MTUS2: variants seen among roughly 807,000 people sequenced by gnomAD.
MTUS2 encodes the protein microtubule associated scaffold protein 2.
In MTUS2, 40 loss-of-function variants were observed where a neutral mutation model predicts 114.1. The ratio of observed to expected loss-of-function variants is 0.35; its 90% CI spans 0.27 to 0.46. MTUS2 has a LOEUF of 0.46. MTUS2 is among the 20% of genes least tolerant of loss of function. MTUS2 has a pLI of 1.00. For synonymous variants in MTUS2, 688 were observed against 672.0 expected, an observed-to-expected ratio of 1.02 and a Z score of -0.37; for missense variants, 1,679 against 1,705.4, an observed-to-expected ratio of 0.98 and a Z score of 0.27.
intron 5 of MTUS2, among the ~76,000 whole-genome samples, chr13:29,167,306 T>C (rs762320000): frequency 1.2e-4 from 18 of 147,204 alleles, no homozygotes; most frequent in Non-Finnish European, 2.4e-4. Context: ...ACCTGGGAGG[T>C]GGAGCTTGCA....
At chr13:29,381,926 C>T (rs904640143) in intron 8 of MTUS2, among the ~76,000 whole-genome samples, 11 of 152,184 alleles carry the variant, frequency 7.2e-5, no homozygotes, top group African/African-American at 2.2e-4. Context: ...TACTCTATCA[C>T]GTTGTGCTGA....
chr13:29,479,785 C>G (rs1052751056), intron 9 of MTUS2, among the ~76,000 whole-genome samples: 1 of 152,202 alleles, frequency 6.6e-6, no homozygotes, highest in African/African-American at 2.4e-5. Context: ...ATTTCAGAGT[C>G]TACATTTTTA....
chr13:28,951,938 G>A (rs1463435028), intron 2 of MTUS2, among the ~76,000 whole-genome samples: 1 of 152,192 alleles, frequency 6.6e-6, no homozygotes, highest in African/African-American at 2.4e-5. Flanking sequence ...GGCCAGGGCA[G>A]GGTGGCATTT....
intron 7 of MTUS2, among the ~76,000 whole-genome samples, chr13:29,346,402 G>A (rs778375949): frequency 6.6e-6 from 1 of 152,128 alleles, no homozygotes; most frequent in Non-Finnish European, 1.5e-5. Context: ...GGATGAGGAT[G>A]TGGTTTCAGG....
intron 10 of MTUS2, chr13:29,487,590 G>A (rs1283446017): frequency 1.4e-5 from 5 of 352,208 alleles, no homozygotes; most frequent in Admixed American, 4.3e-5. Flanking sequence ...CGCTCATAGC[G>A]GTGCAAGCGC....
intron 2 of MTUS2, among the ~76,000 whole-genome samples, chr13:28,897,074 CT>C (rs1357021001): frequency 6.6e-6 from 1 of 152,180 alleles, no homozygotes. Flanking sequence ...AAGTAAAGAG[CT>C]TCTGCACAGC....
chr13:29,132,040 C>T (rs1438359357), intron 5 of MTUS2, among the ~76,000 whole-genome samples: 11 of 152,236 alleles, frequency 7.2e-5, no homozygotes, highest in African/African-American at 2.7e-4. Flanking sequence ...CAAGATGACA[C>T]TGCTGGGAAG....
At chr13:29,238,196 T>C (rs1037704948) in intron 5 of MTUS2, among the ~76,000 whole-genome samples, 9 of 152,214 alleles carry the variant, frequency 5.9e-5, no homozygotes, top group African/African-American at 1.4e-4. Context: ...TTAAAAAATA[T>C]AGCATACAAT....
intron 2 of MTUS2, among the ~76,000 whole-genome samples, chr13:28,905,949 T>G (rs1356981183): frequency 6.6e-6 from 1 of 151,704 alleles, no homozygotes; most frequent in Admixed American, 6.6e-5. Flanking sequence ...ATTGGTCTAT[T>G]CAGAGATGCA....
At chr13:29,331,555 C>G (rs995832172) in intron 7 of MTUS2, among the ~76,000 whole-genome samples, 4 of 152,174 alleles carry the variant, frequency 2.6e-5, no homozygotes, top group Non-Finnish European at 5.9e-5. Flanking sequence ...TACCTGACTT[C>G]AAACTATATT....
chr13:29,471,833 C>G (rs950412949), intron 9 of MTUS2, among the ~76,000 whole-genome samples: 1 of 150,914 alleles, frequency 6.6e-6, no homozygotes, highest in South Asian at 2.1e-4. Flanking sequence ...CTTACGGGAC[C>G]CCTAGTAGGC....
intron 8 of MTUS2, among the ~76,000 whole-genome samples, chr13:29,416,499 A>C (rs964960044): frequency 1.3e-5 from 2 of 151,282 alleles, no homozygotes; most frequent in African/African-American, 4.8e-5. Context: ...TATAGCACAT[A>C]TTATATATAG....
intron 6 of MTUS2, among the ~76,000 whole-genome samples, chr13:29,302,775 T>C (rs1899263242): frequency 6.6e-6 from 1 of 152,226 alleles, no homozygotes; most frequent in Admixed American, 6.5e-5. Flanking sequence ...GTCCCTCCAA[T>C]GCAGCACACT....
intron 8 of MTUS2, among the ~76,000 whole-genome samples, chr13:29,381,489 T>C (rs1872202943): frequency 6.6e-6 from 1 of 152,204 alleles, no homozygotes; most frequent in African/African-American, 2.4e-5. Flanking sequence ...CATTTACATA[T>C]GTTTACTATG....
At chr13:29,371,390 G>C (rs1432773440) in intron 8 of MTUS2, among the ~76,000 whole-genome samples, 3 of 151,858 alleles carry the variant, frequency 2.0e-5, no homozygotes, top group Admixed American at 6.6e-5. Flanking sequence ...ACTAATTTTT[G>C]TATTTTTAGT....
chr13:29,107,394 G>C (rs1228953277), intron 5 of MTUS2, among the ~76,000 whole-genome samples: 1 of 151,948 alleles, frequency 6.6e-6, no homozygotes, highest in African/African-American at 2.4e-5. Context: ...CTTATGTAAG[G>C]GTATGGAAAA....
intron 4 of MTUS2, 107 bp from the exon 5 acceptor site, chr13:29,100,666 T>C (rs1890372529): frequency 1.6e-6 from 2 of 1,286,278 alleles, no homozygotes; most frequent in African/African-American, 1.5e-5. Flanking sequence ...GCAAGATTAA[T>C]TTTAGTCTGT....
At chr13:28,922,628 T>C (rs565776586) in intron 2 of MTUS2, among the ~76,000 whole-genome samples, 40 of 152,274 alleles carry the variant, frequency 2.6e-4, no homozygotes, top group African/African-American at 7.7e-4. Context: ...TTCAGTTTAA[T>C]GTCCCCCAGT....
At chr13:29,305,307 A>G (rs925603383) in intron 6 of MTUS2, among the ~76,000 whole-genome samples, 3 of 152,094 alleles carry the variant, frequency 2.0e-5, no homozygotes, top group African/African-American at 7.2e-5. Context: ...TGAAGGAGAC[A>G]CAGACATGAA....
Sources: allele counts gnomAD v4.1 joint callset (sites outside exome capture counted in the v4.1 genomes callset), GRCh38; gene constraint gnomAD v4.1.1; transcripts MANE v1.5; gene names NCBI Gene and HGNC (gene_info 2026-07-23, HGNC 2026-07-21).